The following RETREG1 variants were observed in gnomAD, a reference collection of about 807,000 sequenced individuals.
The protein encoded by RETREG1 is family with sequence similarity 134 member B.
A neutral mutation model predicts 54.8 loss-of-function variants in RETREG1; 44 were observed. The ratio of observed to expected loss-of-function variants is 0.80; its 90% CI spans 0.63 to 1.03. The LOEUF is 1.03. Ranked by LOEUF, RETREG1 falls within the 50% of genes least tolerant of loss-of-function variation. The pLI is 0.00. For missense variants in RETREG1, 554 were observed against 605.1 expected (o/e 0.92, Z 0.89); for synonymous variants, 217 against 238.5 (o/e 0.91, Z 0.83).
intron 4 of RETREG1, among the ~76,000 whole-genome samples, chr5:16,482,294 TTTG>T (rs1453536983): frequency 6.6e-6 from 1 of 152,022 alleles, no homozygotes; most frequent in African/African-American, 2.4e-5. Flanking sequence ...ATGCCCTACA[TTTG>T]TAGCATCATC....
chr5:16,595,759 AG>A (rs1445852265), intron 1 of RETREG1, among the ~76,000 whole-genome samples: 2 of 152,234 alleles, frequency 1.3e-5, no homozygotes, highest in South Asian at 2.1e-4. Context: ...CTCATTTGTC[AG>A]GGGGGCAAGA....
intron 3 of RETREG1, among the ~76,000 whole-genome samples, chr5:16,520,647 G>T (rs1740507133): frequency 6.6e-6 from 1 of 152,280 alleles, no homozygotes; most frequent in Middle Eastern, 3.4e-3. Flanking sequence ...TTTAAGAAAA[G>T]TTCATTGACT....
intron 3 of RETREG1, among the ~76,000 whole-genome samples, chr5:16,553,957 C>T (rs1366231): frequency 2.4e-4 from 36 of 152,180 alleles, no homozygotes; most frequent in African/African-American, 8.0e-4. Context: ...GACTACAGTT[C>T]GGACCATGAG....
At chr5:16,602,865 G>C (rs73051635) in intron 1 of RETREG1, among the ~76,000 whole-genome samples, 1 of 151,994 alleles carries the variant, frequency 6.6e-6, no homozygotes, top group East Asian at 1.9e-4. Context: ...AAAATTACCC[G>C]GGCCTGGTGG....
intron 1 of RETREG1, among the ~76,000 whole-genome samples, chr5:16,606,835 G>A (rs1023055054): frequency 5.9e-5 from 9 of 152,128 alleles, no homozygotes; most frequent in Non-Finnish European, 1.3e-4. Flanking sequence ...TCATCCAGAG[G>A]GGCTGGCAGA....
intron 3 of RETREG1, among the ~76,000 whole-genome samples, chr5:16,490,035 G>T (rs576649943): frequency 2.0e-5 from 3 of 152,162 alleles, no homozygotes; most frequent in Non-Finnish European, 2.9e-5. Flanking sequence ...TTGAGCTTTA[G>T]ATTTGAGGAG....
At chr5:16,616,477 G>A in intron 1 of RETREG1, 175 bp downstream of exon 1, 2 of 1,146,058 alleles carry the variant, frequency 1.7e-6, no homozygotes, top group Non-Finnish European at 2.4e-6. Flanking sequence ...GCGTCCGGAG[G>A]AAAGTTGCGG....
intron 3 of RETREG1, among the ~76,000 whole-genome samples, chr5:16,524,738 G>C (rs573789172): frequency 6.6e-6 from 1 of 152,232 alleles, no homozygotes; most frequent in Non-Finnish European, 1.5e-5. Flanking sequence ...TTCCCAAGCA[G>C]TTAAAATCTA....
intron 1 of RETREG1, among the ~76,000 whole-genome samples, chr5:16,600,140 A>G (rs1437817039): frequency 6.6e-6 from 1 of 152,200 alleles, no homozygotes; most frequent in African/African-American, 2.4e-5. Flanking sequence ...AGCTGGGATT[A>G]CAGGTGCAGA....
intron 3 of RETREG1, among the ~76,000 whole-genome samples, chr5:16,515,104 C>T (rs1740307153): frequency 6.6e-6 from 1 of 151,856 alleles, no homozygotes; most frequent in South Asian, 2.1e-4. Flanking sequence ...GCTTCTTTTC[C>T]TCTGGGTAGA....
intron 3 of RETREG1, among the ~76,000 whole-genome samples, chr5:16,546,157 T>A (rs1741379447): frequency 2.0e-5 from 3 of 152,204 alleles, no homozygotes; most frequent in African/African-American, 7.2e-5. Context: ...ACTGCACAAA[T>A]CTTGAAATTT....
At chr5:16,616,438 C>A in intron 1 of RETREG1, 1 of 865,616 alleles carries the variant, frequency 1.2e-6, no homozygotes, top group Admixed American at 3.3e-5. Context: ...GATCCGCACA[C>A]GGAGAACGAC....
At chr5:16,552,860 G>GATA (rs1473454748) in intron 3 of RETREG1, among the ~76,000 whole-genome samples, 1 of 152,132 alleles carries the variant, frequency 6.6e-6, no homozygotes, top group Non-Finnish European at 1.5e-5. Flanking sequence ...CACACGGCTG[G>GATA]GTTCTGCAGT....
chr5:16,494,013 G>T (rs1280772800), intron 3 of RETREG1, among the ~76,000 whole-genome samples: 1 of 152,168 alleles, frequency 6.6e-6, no homozygotes, highest in South Asian at 2.1e-4. Context: ...CAAGATGCTA[G>T]GCTGTTTAAT....
At chr5:16,571,471 C>T (rs1742170737) in intron 2 of RETREG1, among the ~76,000 whole-genome samples, 1 of 151,418 alleles carries the variant, frequency 6.6e-6, no homozygotes, top group Non-Finnish European at 1.5e-5. Flanking sequence ...ATTTGTAATA[C>T]AGTTAAATTA....
At chr5:16,497,901 C>A (rs1399444942) in intron 3 of RETREG1, among the ~76,000 whole-genome samples, 1 of 152,180 alleles carries the variant, frequency 6.6e-6, no homozygotes, top group Non-Finnish European at 1.5e-5. Context: ...ATTTTCCCCT[C>A]TCCTATGCCC....
intron 1 of RETREG1, among the ~76,000 whole-genome samples, chr5:16,578,945 G>C (rs1037283520): frequency 2.3e-4 from 35 of 152,192 alleles, no homozygotes; most frequent in African/African-American, 4.8e-5. Context: ...GCCAGAGAAA[G>C]CTCTAGAGAA....
chr5:16,613,889 C>T (rs1298366761), intron 1 of RETREG1, among the ~76,000 whole-genome samples: 1 of 151,898 alleles, frequency 6.6e-6, no homozygotes, highest in Non-Finnish European at 1.5e-5. Context: ...TCATTTTAAC[C>T]CCCAGAGCAA....
In RETREG1 at chr5:16,515,817, G is replaced by A. The variant is rs141690753; in HGVS notation, c.459-32345C>T. On this transcript the variant is annotated intron_variant, in intron 3 of 8. Coordinates refer to ENST00000306320, the MANE Select transcript of RETREG1 (RefSeq NM_001034850.3). ...CTCCTAGAGCCAGGCACAGCAATGC[G>A]CGAGGGAAATGACAGAAAACCGTGA... Among the ~76,000 whole-genome samples the A allele has an allele frequency of 4.7e-3, 714 of 152,214 alleles. 6 individuals are homozygous for A. The highest frequency in any genetic ancestry group is 0.016 in the African/African-American group (663 of 41,516).
Sources: allele counts gnomAD v4.1 joint callset (sites outside exome capture counted in the v4.1 genomes callset), GRCh38; gene constraint gnomAD v4.1.1; transcripts MANE v1.5; gene names NCBI Gene and HGNC (gene_info 2026-07-23, HGNC 2026-07-21).